The following ERBB4 variants were observed in gnomAD, a reference collection of about 807,000 sequenced individuals.
ERBB4 encodes erb-b2 receptor tyrosine kinase 4.
A neutral mutation model predicts 158.0 loss-of-function variants in ERBB4; 42 were observed. That is an observed-to-expected ratio of 0.27 (90% CI 0.21 to 0.34). ERBB4 has a LOEUF of 0.34. Ranked by LOEUF, ERBB4 falls within the 10% of genes least tolerant of loss-of-function variation. The pLI is 1.00. For missense variants in ERBB4, 1,333 were observed against 1,624.1 expected (o/e 0.82, Z 3.08); for synonymous variants, 583 against 558.7 (o/e 1.04, Z -0.61).
intron 3 of ERBB4, among the ~76,000 whole-genome samples, chr2:211,855,970 C>A (rs1386068898): frequency 6.6e-6 from 1 of 152,080 alleles, no homozygotes; most frequent in East Asian, 1.9e-4. Context: ...TTTAGAAAAT[C>A]TCAGGATACA....
At chr2:212,518,484 C>T (rs1691962571) in intron 1 of ERBB4, among the ~76,000 whole-genome samples, 1 of 151,970 alleles carries the variant, frequency 6.6e-6, no homozygotes, top group South Asian at 2.1e-4. Flanking sequence ...TATCCTTCAA[C>T]ATTTGCATAC....
chr2:212,066,640 T>C (rs1470402277), intron 2 of ERBB4, among the ~76,000 whole-genome samples: 1 of 152,034 alleles, frequency 6.6e-6, no homozygotes, highest in Non-Finnish European at 1.5e-5. Flanking sequence ...AATTGTTTTA[T>C]GCTACAGAAA....
chr2:211,792,782 A>G (rs1339990902), intron 3 of ERBB4, among the ~76,000 whole-genome samples: 1 of 151,904 alleles, frequency 6.6e-6, no homozygotes, highest in African/African-American at 2.4e-5. Flanking sequence ...AAGGTTAACC[A>G]TTGGACCATG....
At chr2:212,166,746 A>T (rs981729941) in intron 1 of ERBB4, among the ~76,000 whole-genome samples, 2 of 152,142 alleles carry the variant, frequency 1.3e-5, no homozygotes, top group Non-Finnish European at 2.9e-5. Context: ...AAACAGACAT[A>T]TAGACCAATG....
At chr2:212,291,960 C>A (rs1235538411) in intron 1 of ERBB4, among the ~76,000 whole-genome samples, 1 of 151,936 alleles carries the variant, frequency 6.6e-6, no homozygotes, top group Non-Finnish European at 1.5e-5. Context: ...TTAATCATTA[C>A]ACTATGAATT....
intron 20 of ERBB4, among the ~76,000 whole-genome samples, chr2:211,458,857 C>A (rs1412014096): frequency 1.3e-5 from 2 of 152,134 alleles, no homozygotes; most frequent in African/African-American, 4.8e-5. Flanking sequence ...CCTGCAAACA[C>A]TGAAATGAGC....
intron 2 of ERBB4, among the ~76,000 whole-genome samples, chr2:212,020,644 G>A (rs2076628520): frequency 6.6e-6 from 1 of 151,916 alleles, no homozygotes; most frequent in Non-Finnish European, 1.5e-5. Flanking sequence ...AGTTTTTATT[G>A]CCTCATACAC....
chr2:212,494,783 G>A (rs1037233464), intron 1 of ERBB4, among the ~76,000 whole-genome samples: 7 of 152,012 alleles, frequency 4.6e-5, no homozygotes, highest in African/African-American at 1.7e-4. Flanking sequence ...CTTCAATGCT[G>A]GGCATTTTCT....
chr2:211,687,375 C>T (rs2072606069), intron 12 of ERBB4, among the ~76,000 whole-genome samples: 1 of 151,728 alleles, frequency 6.6e-6, no homozygotes, highest in South Asian at 2.1e-4. Flanking sequence ...GTATCTATCA[C>T]TCAGTGGAGA....
intron 3 of ERBB4, among the ~76,000 whole-genome samples, chr2:211,907,315 C>T (rs1295803715): frequency 6.6e-6 from 1 of 151,690 alleles, no homozygotes; most frequent in African/African-American, 2.4e-5. Flanking sequence ...GAATGAACTG[C>T]TGATGTCAAT....
At chr2:212,026,860 T>C (rs949804683) in intron 2 of ERBB4, among the ~76,000 whole-genome samples, 8 of 151,916 alleles carry the variant, frequency 5.3e-5, no homozygotes, top group African/African-American at 1.7e-4. Flanking sequence ...TCCTAGTTTT[T>C]TCAAGCTAAT....
chr2:212,420,724 A>C (rs1409837611), intron 1 of ERBB4, among the ~76,000 whole-genome samples: 1 of 152,170 alleles, frequency 6.6e-6, no homozygotes, highest in Non-Finnish European at 1.5e-5. Flanking sequence ...CTCAGGCGTT[A>C]TAAAGAATTT....
At chr2:212,150,536 C>G (rs1559602312) in intron 1 of ERBB4, among the ~76,000 whole-genome samples, 1 of 152,106 alleles carries the variant, frequency 6.6e-6, no homozygotes, top group Non-Finnish European at 1.5e-5. Context: ...TGAATGTTTT[C>G]TTCTACTCTT....
chr2:212,405,583 T>C (rs187552984), intron 1 of ERBB4, among the ~76,000 whole-genome samples: 3 of 152,196 alleles, frequency 2.0e-5, no homozygotes, highest in South Asian at 2.1e-4. Context: ...CAGTTCTAAA[T>C]AGGACAGCCT....
At chr2:211,506,887 G>C (rs537455394) in intron 20 of ERBB4, among the ~76,000 whole-genome samples, 90 of 152,082 alleles carry the variant, frequency 5.9e-4, no homozygotes, top group African/African-American at 2.1e-3. Flanking sequence ...AACTAAATGA[G>C]ATTGAGACCA....
At chr2:211,772,100 C>T (rs1223594490) in intron 4 of ERBB4, among the ~76,000 whole-genome samples, 1 of 152,088 alleles carries the variant, frequency 6.6e-6, no homozygotes, top group African/African-American at 2.4e-5. Flanking sequence ...TTACTTACAT[C>T]TACTGAACCT....
chr2:212,238,021 G>A (rs559770105), intron 1 of ERBB4, among the ~76,000 whole-genome samples: 10 of 152,328 alleles, frequency 6.6e-5, no homozygotes, highest in South Asian at 4.1e-4. Flanking sequence ...GGCTCCATGG[G>A]GGTAGGATCC....
In ERBB4 at chr2:211,424,312, G is replaced by C; in HGVS notation, c.2720-11C>G. 2 of 1,605,384 alleles carry C rather than the reference G, an allele frequency of 1.2e-6. No homozygotes were observed. The highest frequency in any genetic ancestry group is 1.3e-5 in the African/African-American group (1 of 74,674). ...CCCATATAGTAACTCCTATATTGGA[G>C]AAAAAATTCTTACTTAAGCATATTA... is the stretch of plus-strand genomic sequence containing the variant. On this transcript the variant is annotated splice_polypyrimidine_tract_variant and intron_variant, in intron 22 of 27. Transcript: ENST00000342788.
chr2:212,136,996 A>G (rs908929319), intron 1 of ERBB4, among the ~76,000 whole-genome samples: 1 of 152,032 alleles, frequency 6.6e-6, no homozygotes, highest in Non-Finnish European at 1.5e-5. Context: ...AGACTAGATT[A>G]TAAAATATAT....
Sources: allele counts gnomAD v4.1 joint callset (sites outside exome capture counted in the v4.1 genomes callset), GRCh38; gene constraint gnomAD v4.1.1; transcripts MANE v1.5; gene names NCBI Gene and HGNC (gene_info 2026-07-23, HGNC 2026-07-21).